The following TOGARAM1 variants were observed in gnomAD, a reference collection of about 807,000 sequenced individuals.
TOGARAM1 encodes TOG array regulator of axonemal microtubules protein 1.
In TOGARAM1, 100 loss-of-function variants were observed where a neutral mutation model predicts 166.6. The observed-to-expected ratio is 0.60, with a 90% CI of 0.51 to 0.71. TOGARAM1 has a LOEUF of 0.71. Among genes scored for constraint, TOGARAM1 ranks in the 30% least tolerant of loss-of-function variants. TOGARAM1 has a pLI of 0.00. For synonymous variants in TOGARAM1, 758 were observed against 763.8 expected (o/e 0.99, Z 0.13); for missense variants, 2,029 against 2,102.7 (o/e 0.96, Z 0.69).
chr14:44,963,575 G>C lies in TOGARAM1; in HGVS notation c.1154G>C (p.Ser385Thr), dbSNP rs1885336843. The change falls in exon 1 of 20, where the codon AGT (serine) becomes ACT (threonine). Residue 385 changes from serine (S) to threonine (T), a missense_variant. This residue lies in a region of TOGARAM1 where 1,453 missense variants were observed against 1,432.2 expected (regional missense o/e 1.01). Coordinates refer to ENST00000361462, the MANE Select transcript of TOGARAM1 (RefSeq NM_001308120.2). ...CAGGTGCTGGGAAAATTTAACCCTA[G>C]TTCTACTCCTCATTCTAGTCTTGTT... ...LKQVLGKFNPSSTPHSSLVGF... is the reference protein window; with the variant it reads ...LKQVLGKFNPTSTPHSSLVGF... 1 of 1,613,826 alleles carries C rather than the reference G, an allele frequency of 6.2e-7. No individual in the cohort carries two copies. The highest frequency in any genetic ancestry group is 1.1e-5 in the South Asian group (1 of 91,048).
chr14:45,069,117 C>T (rs922739267), intron 18 of TOGARAM1, among the ~76,000 whole-genome samples: 3 of 151,996 alleles, frequency 2.0e-5, no homozygotes, highest in African/African-American at 7.2e-5. Flanking sequence ...AATCTCAGCC[C>T]TTTGGGGTTG....
In TOGARAM1 at chr14:45,071,806, C is replaced by T. The variant is rs1171880871; in HGVS notation, c.5056+8C>T. ...TGACGGAAAAGCTTGCTGGTAAATA[C>T]TTTGTAATTTCTAAAGAAATATTTT... On this transcript the variant is annotated splice_region_variant and intron_variant, in intron 19 of 19. Coordinates refer to ENST00000361462, the MANE Select transcript of TOGARAM1 (RefSeq NM_001308120.2). The T allele has an allele frequency of 2.5e-6, 4 of 1,590,214 alleles. No individual in the cohort carries two copies. The highest frequency in any genetic ancestry group is 2.6e-6 in the Non-Finnish European group (3 of 1,169,208).
intron 4 of TOGARAM1, among the ~76,000 whole-genome samples, chr14:45,005,347 G>C (rs77451899): frequency 1.3e-5 from 2 of 152,140 alleles, no homozygotes; most frequent in African/African-American, 4.8e-5. Flanking sequence ...TCGACTGAGC[G>C]TAGTGGGTCA....
Position 44,962,816 on chromosome 14 carries a change from G to T in TOGARAM1, c.395G>T (p.Arg132Leu), listed in dbSNP as rs1885252245. The change falls in exon 1 of 20, where the codon CGC (arginine) becomes CTC (leucine). Residue 132 changes from arginine (R) to leucine (L), a missense_variant. By Grantham distance (102) the Arg-to-Leu change is moderately radical. Around this residue, in one of 2 missense-constraint regions of TOGARAM1, gnomAD observed 1,453 missense variants for 1,432.2 expected, o/e 1.01. Coordinates refer to ENST00000361462, the MANE Select transcript of TOGARAM1 (RefSeq NM_001308120.2). ...GGCGGTCGACTTGGCTTCCCCCGAC[G>T]CAAGGAAGCTTTGTATCGGGCACTG... ...RRGGRLGFPR[R>L]KEALYRALGR... 1 of 1,612,710 alleles carries T rather than the reference G, an allele frequency of 6.2e-7. No homozygotes were observed. The highest frequency in any genetic ancestry group is 1.3e-5 in the African/African-American group (1 of 75,056).
chr14:45,046,143 A>G (rs891688156), intron 13 of TOGARAM1, among the ~76,000 whole-genome samples: 9 of 143,684 alleles, frequency 6.3e-5, no homozygotes, highest in Non-Finnish European at 5.9e-5. Context: ...TAACTTTAAG[A>G]TAGATCTTAG....
In TOGARAM1 at chr14:44,963,759, C is replaced by A; in HGVS notation, c.1338C>A (p.Asp446Glu). 6.2e-7 allele frequency: 1 copy of A among 1,613,816 alleles called. No homozygotes were observed. The highest frequency in any genetic ancestry group is 8.5e-7 in the Non-Finnish European group (1 of 1,179,804). Residue 446 changes from aspartate (D) to glutamate (E), a missense_variant, in exon 1 of 20, where the codon GAC becomes GAA. Physicochemically the swap from Asp to Glu is conservative, Grantham distance 45. Around this residue, in one of 2 missense-constraint regions of TOGARAM1, gnomAD observed 1,453 missense variants for 1,432.2 expected, o/e 1.01. Transcript: ENST00000361462. ...VIAASVKVLA[D>E]NKLVIKQEYM... ...CAGCTTCTGTCAAAGTGCTGGCGGA[C>A]AACAAGTTGGTGATCAAACAAGAAT...
intron 1 of TOGARAM1, among the ~76,000 whole-genome samples, chr14:44,992,108 C>CAA (rs949541202): frequency 1.1e-5 from 1 of 94,224 alleles, no homozygotes; most frequent in African/African-American, 3.9e-5. Context: ...AAAACCAAAC[C>CAA]AAAAAAAAAA....
chr14:45,030,313 T>C (rs761070371), intron 10 of TOGARAM1, among the ~76,000 whole-genome samples: 9 of 152,222 alleles, frequency 5.9e-5, no homozygotes, highest in Non-Finnish European at 1.3e-4. Context: ...TAATGAGTTA[T>C]TGTTTCATGA....
At chr14:45,069,441 G>A (rs142983188) in intron 18 of TOGARAM1, among the ~76,000 whole-genome samples, 33 of 151,650 alleles carry the variant, frequency 2.2e-4, no homozygotes, top group African/African-American at 6.5e-4. Context: ...TTTTCAAACC[G>A]CATATTTGAC....
At chr14:45,073,256 A>T in intron 19 of TOGARAM1, 40 bp from the exon 20 acceptor site, 1 of 1,562,876 alleles carries the variant, frequency 6.4e-7, no homozygotes, top group Non-Finnish European at 8.7e-7. Context: ...GGGCTTATTT[A>T]TTAAGAAAAA....
At chr14:45,067,022 C>T (rs1171544344) in intron 17 of TOGARAM1, among the ~76,000 whole-genome samples, 1 of 152,098 alleles carries the variant, frequency 6.6e-6, no homozygotes. Context: ...TACCTTCTCT[C>T]TATATCTATA....
intron 6 of TOGARAM1, among the ~76,000 whole-genome samples, chr14:45,010,469 T>C (rs560498915): frequency 6.6e-6 from 1 of 152,338 alleles, no homozygotes; most frequent in South Asian, 2.1e-4. Context: ...TGATCTTCCA[T>C]GAAGATGAAA....
chr14:45,001,655 A>G (rs551915490), intron 3 of TOGARAM1, among the ~76,000 whole-genome samples: 1 of 152,360 alleles, frequency 6.6e-6, no homozygotes, highest in South Asian at 2.1e-4. Flanking sequence ...GAAAAGCTCA[A>G]CATCACTAAT....
chr14:45,043,876 A>G, intron 12 of TOGARAM1, 85 bp downstream of exon 12: 1 of 771,330 alleles, frequency 1.3e-6, no homozygotes, highest in Non-Finnish European at 2.2e-6. Context: ...TAAAATTTTT[A>G]AACAACTCTG....
chr14:45,042,972 A>G (rs1167535648), intron 11 of TOGARAM1, among the ~76,000 whole-genome samples: 3 of 152,210 alleles, frequency 2.0e-5, no homozygotes, highest in Admixed American at 2.0e-4. Flanking sequence ...ATGCATGCTA[A>G]CATAACTTCA....
chr14:45,045,308 C>A (rs1466248834), intron 13 of TOGARAM1, among the ~76,000 whole-genome samples: 1 of 151,162 alleles, frequency 6.6e-6, no homozygotes, highest in Admixed American at 6.6e-5. Context: ...TTATCCCTCG[C>A]CCCCCTCCTG....
In TOGARAM1 at chr14:45,028,116, G is replaced by A. The variant is rs948771929; in HGVS notation, c.3505-60G>A. 6 of 1,423,392 alleles carry A rather than the reference G, an allele frequency of 4.2e-6. 1 individual carries two copies. The Admixed American group carries it at 1.4e-4, about 33-fold the overall frequency. 88.2% of individuals were successfully genotyped at this position (1,423,392 alleles called of 1,614,324 possible). A position where few individuals can be genotyped will look rare whatever the true frequency, so the allele number is the denominator to read the frequency against. ...CAGACACAAATTAGTTATCTGAGAT[G>A]AAGATATTTTAAATATCAAAGTCCC... On this transcript the variant is annotated intron_variant, in intron 9 of 19. Coordinates refer to ENST00000361462, the MANE Select transcript of TOGARAM1 (RefSeq NM_001308120.2).
chr14:45,028,099 AATTAGTT>A (rs1880960032), intron 9 of TOGARAM1, 70 bp from the exon 10 acceptor site: 1 of 1,277,098 alleles, frequency 7.8e-7, no homozygotes, highest in Non-Finnish European at 1.1e-6. Flanking sequence ...CTCAGACACA[AATTAGTT>A]ATCTGAGATG....
intron 8 of TOGARAM1, among the ~76,000 whole-genome samples, chr14:45,026,445 C>G (rs770069365): frequency 6.6e-6 from 1 of 152,166 alleles, no homozygotes; most frequent in Non-Finnish European, 1.5e-5. Context: ...GTCCTAACTT[C>G]TTTGCTTGAT....
Sources: allele counts gnomAD v4.1 joint callset (sites outside exome capture counted in the v4.1 genomes callset), GRCh38; gene constraint gnomAD v4.1.1; regional missense constraint gnomAD v4.1.1; transcripts MANE v1.5; gene names NCBI Gene and HGNC (gene_info 2026-07-23, HGNC 2026-07-21).